GLB1L2: variants seen among roughly 807,000 people sequenced by gnomAD.
The protein encoded by GLB1L2 is beta-galactosidase-1-like protein 2.
In GLB1L2, 68 loss-of-function variants were observed where a neutral mutation model predicts 84.1. That is an observed-to-expected ratio of 0.81 (90% CI 0.67 to 0.99). The LOEUF (loss-of-function observed/expected upper bound fraction) is 0.99, where lower values mean the gene tolerates loss of function less well. Ranked by LOEUF, GLB1L2 falls within the 50% of genes least tolerant of loss-of-function variation. The probability of loss-of-function intolerance (pLI) is 0.00; values close to 1 mark genes in which losing one functional copy is unlikely to be tolerated. For missense variants in GLB1L2, 762 were observed against 805.6 expected (o/e 0.95, Z 0.66); for synonymous variants, 290 against 318.0 (o/e 0.91, Z 0.94).
Position 134,342,828 on chromosome 11 carries a change from T to G in GLB1L2, c.161T>G (p.Phe54Cys). Residue 54 changes from phenylalanine to cysteine, a missense_variant, in exon 2 of 19, where the codon TTC becomes TGC. Phe to Cys is a radical substitution (Grantham distance 205). Around this residue, in one of 3 missense-constraint regions of GLB1L2, gnomAD observed 100 missense variants for 88.8 expected, o/e 1.13. Transcript: ENST00000535456. ...QLGLQAKGWN[F>C]MLEDSTFWIF... is the part of the protein sequence containing the mutation. ...GGGCTGCAGGCCAAGGGCTGGAACT[T>G]CATGCTGGAGGATTCCACCTTCTGG... is the stretch of plus-strand genomic sequence containing the variant. 1.2e-6 allele frequency: 2 copies of G among 1,614,040 alleles called. No homozygotes were observed. The highest frequency in any genetic ancestry group is 1.7e-6 in the Non-Finnish European group (2 of 1,180,016).
chr11:134,356,213 T>C, intron 5 of GLB1L2, 88 bp from the exon 6 acceptor site: 1 of 973,882 alleles, frequency 1.0e-6, no homozygotes, highest in South Asian at 1.3e-5. Flanking sequence ...TGGGATCTTT[T>C]GCTAGTCACT....
chr11:134,367,222 G>C lies in GLB1L2; in HGVS notation c.805-35G>C, dbSNP rs139916553. On this transcript the variant is annotated intron_variant, in intron 8 of 18. Coordinates refer to ENST00000535456, the MANE Select transcript of GLB1L2 (RefSeq NM_001370461.1). ...AGCTTCCCTCTTTTTTGTCTGGCCA[G>C]CCTGCTTGTCTAACTCTCATTTTGT... 4.1e-3 allele frequency: 6,450 copies of C among 1,574,670 alleles called. 29 individuals are homozygous for C. Among genetic ancestry groups the C allele is most frequent in the Middle Eastern group, 4.3e-3 (25 of 5,792 alleles).
At chr11:134,365,008 T>G (rs1480678312) in intron 8 of GLB1L2, 1 of 152,536 alleles carries the variant, frequency 6.6e-6, no homozygotes, top group Non-Finnish European at 1.5e-5. Flanking sequence ...AGCTGTCCCC[T>G]GGCTCACTGA....
In GLB1L2 at chr11:134,339,605, G is replaced by A. The variant is rs1943434839; in HGVS notation, c.87-3149G>A. ...TTGTTTATTTCATTCCTCTTGCTAT[G>A]CACTGAGAAGAACGTTTCATTCTAA... On this transcript the variant is annotated intron_variant, in intron 1 of 18. Transcript: ENST00000535456. The surrounding 1 kb of genome is among the most constrained non-coding windows in gnomAD (Gnocchi z 5.7). Among the ~76,000 whole-genome samples the A allele has an allele frequency of 6.6e-6, 1 of 151,988 alleles. No homozygotes were observed. The highest frequency in any genetic ancestry group is 1.5e-5 in the Non-Finnish European group (1 of 68,014).
At position 134,367,345 on chromosome 11, in the gene GLB1L2, A is replaced by AGT; in HGVS notation, c.889+6_889+7dup. The AGT allele has an allele frequency of 6.2e-7, 1 of 1,612,304 alleles. No homozygotes were observed. On this transcript the variant is annotated splice_donor_region_variant and intron_variant, in intron 9 of 18. Transcript: ENST00000535456. ...CACAATATCTTGGATTCTTCTGGTG[A>AGT]GTGCTTGCGGTGACTACATCCAGAA...
rs1242957699 is a variant in GLB1L2, at chr11:134,369,853, T to G, written c.1076T>G (p.Met359Arg). 12 of 1,613,824 alleles carry G rather than the reference T, an allele frequency of 7.4e-6. No homozygotes were observed. In the South Asian group the frequency reaches 9.9e-5, roughly 13 times the overall value. Reference protein sequence around the residue: ...TEAGDYTAKYMKLRDFFGSIS... With the variant: ...TEAGDYTAKYRKLRDFFGSIS... ...GCCGGCGATTACACGGCCAAGTACA[T>G]GAAGCTTCGAGACTTCTTCGGCTCC... The change falls in exon 11 of 19, where the codon ATG (methionine) becomes AGG (arginine). Residue 359 changes from methionine to arginine, a missense_variant. Transcript: ENST00000535456.
At chr11:134,350,700 AT>A (rs1403642319) in intron 5 of GLB1L2, among the ~76,000 whole-genome samples, 1 of 152,216 alleles carries the variant, frequency 6.6e-6, no homozygotes, top group African/African-American at 2.4e-5. Context: ...CTATTCCTCC[AT>A]CTTGCTCCAC....
intron 8 of GLB1L2, 96 bp downstream of exon 8, chr11:134,364,494 G>A: frequency 9.9e-7 from 1 of 1,010,304 alleles, no homozygotes; most frequent in Non-Finnish European, 1.5e-6. Context: ...CCAGCGCAGG[G>A]AGCTGGACTC....
chr11:134,346,624 G>A (rs568572098), intron 4 of GLB1L2: 4 of 152,538 alleles, frequency 2.6e-5, no homozygotes, highest in African/African-American at 9.6e-5. Context: ...ACCCTGTTTA[G>A]GACTTCCAGA....
rs149201664 is a variant in GLB1L2 at position 134,334,897 on chromosome 11, G to T, written c.86+2750G>T. Among the ~76,000 whole-genome samples the T allele has an allele frequency of 1.2e-3, 180 of 152,208 alleles. No homozygotes were observed. Among genetic ancestry groups the T allele is most frequent in the African/African-American group, 4.2e-3 (176 of 41,512 alleles). On this transcript the variant is annotated intron_variant, in intron 1 of 18. Transcript: ENST00000535456. The surrounding 1 kb of genome is among the most constrained non-coding windows in gnomAD (Gnocchi z 4.1). ...ATTCGCACTCCATGAACACAAGAAT[G>T]CCTGCTTGATATTATCTAAAGGCAT...
At chr11:134,344,238 A>T in intron 2 of GLB1L2, 149 bp from the exon 3 acceptor site, 1 of 922,276 alleles carries the variant, frequency 1.1e-6, no homozygotes, top group Non-Finnish European at 1.7e-6. Context: ...TCCCTAGATC[A>T]GTTCACTTAG....
chr11:134,373,923 G>T, intron 16 of GLB1L2, 115 bp downstream of exon 16: 2 of 839,954 alleles, frequency 2.4e-6, no homozygotes, highest in South Asian at 3.2e-5. Context: ...AACGCCTCCA[G>T]GGGCCAGATC....
intron 1 of GLB1L2, among the ~76,000 whole-genome samples, chr11:134,337,053 G>A (rs369410363): frequency 3.9e-5 from 6 of 152,282 alleles, no homozygotes; most frequent in East Asian, 3.9e-4. Context: ...GGATCTCAAG[G>A]TTTTGGTCTA....
Position 134,332,014 on chromosome 11 carries a change from G to A in GLB1L2, c.-48G>A. ...CGGCGAGGCTCCCGCGCGCGGCTGA[G>A]TGCGGACTGGAGTGGGAACCCGGGT... On this transcript the variant is annotated 5_prime_UTR_variant, in exon 1 of 19. In the 5' UTR this introduces an upstream ATG that the reference lacks. Coordinates refer to ENST00000535456, the MANE Select transcript of GLB1L2 (RefSeq NM_001370461.1). 1 of 1,367,962 alleles carries A rather than the reference G, an allele frequency of 7.3e-7. No homozygotes were observed. The highest frequency in any genetic ancestry group is 1.0e-6 in the Non-Finnish European group (1 of 998,970). The allele number at this position is 1,367,962 out of a possible 1,614,324, so 84.7% of individuals were successfully genotyped here.
rs182136414 is a variant in GLB1L2 at position 134,370,256 on chromosome 11, G to A, written c.1109-37G>A. On this transcript the variant is annotated intron_variant, in intron 11 of 18. Coordinates refer to ENST00000535456, the MANE Select transcript of GLB1L2 (RefSeq NM_001370461.1). The surrounding 1 kb of genome is among the most constrained non-coding windows in gnomAD (Gnocchi z 4.7). ...GGAGGACGAGCAGGCAGTGACATTT[G>A]GGTCCGTTGGGGGTGACCCTGTTTT... is the stretch of plus-strand genomic sequence containing the variant. 327 of 1,556,888 alleles carry A rather than the reference G, an allele frequency of 2.1e-4. No homozygotes were observed. The African/African-American group carries it at 3.5e-3, about 16-fold the overall frequency.
At chr11:134,373,516 C>T (rs1308198020) in intron 15 of GLB1L2, among the ~76,000 whole-genome samples, 1 of 152,194 alleles carries the variant, frequency 6.6e-6, no homozygotes, top group Non-Finnish European at 1.5e-5. Flanking sequence ...CTTCCCGTCC[C>T]CCACAGAATT....
chr11:134,344,720 G>A, intron 3 of GLB1L2, among the ~76,000 whole-genome samples: 1 of 152,014 alleles, frequency 6.6e-6, no homozygotes, highest in African/African-American at 2.4e-5. Context: ...GACTCTGCAT[G>A]GGGTCCGGCC....
Position 134,347,334 on chromosome 11 carries a change from C to T in GLB1L2, c.459C>T (p.Leu153=). Residue 153 remains leucine (L), a synonymous_variant, in exon 5 of 19, where the codon CTC becomes CTT. Transcript: ENST00000535456. ...MDLGGLPSWL[L]QDPGMRLRTT... The stretch of plus-strand genomic sequence containing the variant: ...CCGTTTACACTTCAAGCTGGCTACT[C>T]CAAGACCCTGGCATGAGGCTGAGGA... 2 of 1,613,802 alleles carry T rather than the reference C, an allele frequency of 1.2e-6. No individual in the cohort carries two copies. Among genetic ancestry groups the T allele is most frequent in the East Asian group, 2.2e-5 (1 of 44,882 alleles).
At chr11:134,345,212 C>T in intron 4 of GLB1L2, 83 bp downstream of exon 4, 1 of 1,222,720 alleles carries the variant, frequency 8.2e-7, no homozygotes, top group Non-Finnish European at 1.1e-6. Flanking sequence ...GTTCCAGTTC[C>T]CATTCTGTAC....
Sources: allele counts gnomAD v4.1 joint callset (sites outside exome capture counted in the v4.1 genomes callset), GRCh38; gene constraint gnomAD v4.1.1; regional missense constraint gnomAD v4.1.1; non-coding constraint Gnocchi (gnomAD v3.1); transcripts MANE v1.5; gene names NCBI Gene and HGNC (gene_info 2026-07-23, HGNC 2026-07-21).